The following C17orf113 variants were observed in gnomAD, a reference collection of about 807,000 sequenced individuals.
C17orf113 encodes chromosome 17 open reading frame 113, also known as uncharacterized protein C17orf113.
A neutral mutation model predicts 11.6 loss-of-function variants in C17orf113; 5 were observed. That is an observed-to-expected ratio of 0.43 (90% CI 0.23 to 0.91). The LOEUF (loss-of-function observed/expected upper bound fraction) is 0.91. C17orf113 is among the 40% of genes least tolerant of loss of function. C17orf113 has a pLI of 0.26. For missense variants in C17orf113, 714 were observed against 841.3 expected, an observed-to-expected ratio of 0.85 and a Z score of 1.87; for synonymous variants, 327 against 390.6, an observed-to-expected ratio of 0.84 and a Z score of 1.92.
chr17:42,042,049 C>A (rs2053034890), intron 2 of C17orf113, among the ~76,000 whole-genome samples: 1 of 151,958 alleles, frequency 6.6e-6, no homozygotes, highest in Non-Finnish European at 1.5e-5. Context: ...TTATGAAAAC[C>A]AATTAAACAG....
Position 42,040,111 on chromosome 17 carries a change from A to T in C17orf113, c.1622T>A (p.Leu541Gln). 1 of 1,231,348 alleles carries T rather than the reference A, an allele frequency of 8.1e-7. No homozygotes were observed. Among genetic ancestry groups the T allele is most frequent in the Non-Finnish European group, 1.0e-6 (1 of 987,670 alleles). 76.3% of individuals were successfully genotyped at this position (1,231,348 alleles called of 1,614,324 possible). A position where few individuals can be genotyped will look rare whatever the true frequency, so the allele number is the denominator to read the frequency against. Residue 541 changes from leucine (L) to glutamine (Q), a missense_variant, in exon 3 of 3, where the codon CTG becomes CAG. This residue lies in a region of C17orf113 where 194 missense variants were observed against 197.2 expected (regional missense o/e 0.98). Transcript: ENST00000587304. ...EELGTHGEGALRVLLRGFAPA... is the reference protein window; with the variant it reads ...EELGTHGEGAQRVLLRGFAPA... The stretch of plus-strand genomic sequence containing the variant: ...AGCAAAGCCGCGCAGCAGCACCCGC[A>T]GCGCCCCCTCGCCATGCGTGCCCAG...
intron 1 of C17orf113, among the ~76,000 whole-genome samples, chr17:42,046,596 T>C (rs1181742674): frequency 4.6e-5 from 7 of 151,534 alleles, no homozygotes; most frequent in African/African-American, 1.7e-4. Flanking sequence ...TGAGAACCTG[T>C]CTCAAAATAA....
At chr17:42,049,320 A>G (rs1003607376) in intron 1 of C17orf113, among the ~76,000 whole-genome samples, 2 of 152,012 alleles carry the variant, frequency 1.3e-5, no homozygotes, top group African/African-American at 4.8e-5. Context: ...CAGATTACAA[A>G]TCTCTGCTTC....
chr17:42,041,711 T>C (rs1555656146), intron 2 of C17orf113, among the ~76,000 whole-genome samples: 1 of 152,164 alleles, frequency 6.6e-6, no homozygotes, highest in East Asian at 1.9e-4. Context: ...CCAGTCACCC[T>C]GGGTCCCAGC....
chr17:42,046,412 AG>A (rs1185853203), intron 1 of C17orf113, among the ~76,000 whole-genome samples: 1 of 151,606 alleles, frequency 6.6e-6, no homozygotes, highest in Non-Finnish European at 1.5e-5. Context: ...GGGCAACATA[AG>A]GAGACCTTGT....
intron 2 of C17orf113, among the ~76,000 whole-genome samples, chr17:42,041,534 T>A (rs1487912032): frequency 4.6e-5 from 7 of 152,166 alleles, no homozygotes; most frequent in African/African-American, 1.7e-4. Flanking sequence ...AAACATCAAC[T>A]TTTGTTGTGG....
intron 1 of C17orf113, among the ~76,000 whole-genome samples, chr17:42,045,162 C>A (rs1264978730): frequency 6.6e-6 from 1 of 152,230 alleles, no homozygotes; most frequent in Non-Finnish European, 1.5e-5. Context: ...TGTGATCCGT[C>A]CGCCTCGGCC....
chr17:42,048,161 A>AACCC (rs1194202310), intron 1 of C17orf113, among the ~76,000 whole-genome samples: 1 of 152,018 alleles, frequency 6.6e-6, no homozygotes, highest in Non-Finnish European at 1.5e-5. Context: ...GAAATACACA[A>AACCC]ACCCAGCCTG....
chr17:42,045,359 A>G (rs1301616047), intron 1 of C17orf113, among the ~76,000 whole-genome samples: 3 of 152,208 alleles, frequency 2.0e-5, no homozygotes, highest in African/African-American at 4.8e-5. Context: ...CCTTAACTCT[A>G]CCTTTTAATT....
chr17:42,042,754 T>A, intron 2 of C17orf113, 80 bp downstream of exon 2: 1 of 1,077,128 alleles, frequency 9.3e-7, no homozygotes, highest in East Asian at 3.2e-5. Context: ...CCCAAGGAGC[T>A]GGCATGCTGG....
Position 42,043,401 on chromosome 17 carries a change from C to T in C17orf113, c.-25G>A. The T allele has an allele frequency of 8.1e-7, 1 of 1,231,942 alleles. No homozygotes were observed. The allele number at this position is 1,231,942 out of a possible 1,614,324, so 76.3% of individuals were successfully genotyped here. On this transcript the variant is annotated 5_prime_UTR_variant, in exon 2 of 3. Coordinates refer to ENST00000587304, the MANE Select transcript of C17orf113 (RefSeq NM_001358661.2). Reference sequence around the variant, plus strand: ...TTCTTGCTCTCTCAGCAAGGAACCCCCAACCCCCACCTGAATGCTCTTGCC... The same window carrying T: ...TTCTTGCTCTCTCAGCAAGGAACCCTCAACCCCCACCTGAATGCTCTTGCC...
chr17:42,038,387 C>T lies in C17orf113; in HGVS notation c.*1318G>A, dbSNP rs2052916467. 1 of 337,028 alleles carries T rather than the reference C, an allele frequency of 3.0e-6. No homozygotes were observed. Among genetic ancestry groups the T allele is most frequent in the Non-Finnish European group, 5.5e-6 (1 of 183,338 alleles). The allele number at this position is 337,028 out of a possible 1,614,324, so 20.9% of individuals were successfully genotyped here. A position where few individuals can be genotyped will look rare whatever the true frequency, so the allele number is the denominator to read the frequency against. On this transcript the variant is annotated 3_prime_UTR_variant, in exon 3 of 3. Transcript: ENST00000587304. The stretch of plus-strand genomic sequence containing the variant: ...GGCTGACAGGAGGGAATGGGAAACC[C>T]ATGGGCTCTGAAGGGATGTGCTCCC...
chr17:42,044,985 T>C (rs558038857), intron 1 of C17orf113, among the ~76,000 whole-genome samples: 4 of 150,740 alleles, frequency 2.7e-5, no homozygotes, highest in Non-Finnish European at 5.9e-5. Context: ...TGGCGCAATC[T>C]TGGCTCACTG....
intron 1 of C17orf113, among the ~76,000 whole-genome samples, chr17:42,046,114 C>T (rs549260799): frequency 6.6e-6 from 1 of 152,210 alleles, no homozygotes; most frequent in Non-Finnish European, 1.5e-5. Flanking sequence ...GGTAGCCATC[C>T]TCTAGTTCCC....
intron 1 of C17orf113, among the ~76,000 whole-genome samples, chr17:42,044,596 A>T (rs1388070505): frequency 1.3e-5 from 2 of 152,008 alleles, no homozygotes; most frequent in African/African-American, 4.8e-5. Flanking sequence ...AACCTGGGCA[A>T]CAAGAGCAAA....
rs549997415 is a variant in C17orf113 at position 42,043,500 on chromosome 17, G to T, written c.-124C>A. On this transcript the variant is annotated 5_prime_UTR_variant, in exon 2 of 3. Coordinates refer to ENST00000587304, the MANE Select transcript of C17orf113 (RefSeq NM_001358661.2). ...TGGGGAGGCAGGCTGGGGGCAGCCCGCCAGGCTAACAGGGCCCATCCATCT... is the reference window on the plus strand; with the variant it reads ...TGGGGAGGCAGGCTGGGGGCAGCCCTCCAGGCTAACAGGGCCCATCCATCT... 341 of 821,286 alleles carry T rather than the reference G, an allele frequency of 4.2e-4. No individual in the cohort carries two copies. The highest frequency in any genetic ancestry group is 5.1e-4 in the Non-Finnish European group (314 of 613,990). 50.9% of individuals were successfully genotyped at this position (821,286 alleles called of 1,614,324 possible).
In C17orf113 at chr17:42,038,802, G is replaced by A. The variant is rs2052928966; in HGVS notation, c.*903C>T. 1 of 152,222 alleles carries A rather than the reference G, an allele frequency of 6.6e-6. No individual in the cohort carries two copies. Among genetic ancestry groups the A allele is most frequent in the Non-Finnish European group, 1.5e-5 (1 of 68,050 alleles). 9.4% of individuals were successfully genotyped at this position (152,222 alleles called of 1,614,324 possible). On this transcript the variant is annotated 3_prime_UTR_variant, in exon 3 of 3. Coordinates refer to ENST00000587304, the MANE Select transcript of C17orf113 (RefSeq NM_001358661.2). ...CCTGAGGCTGCCTATTGGTGAGGAG[G>A]GAAGGAAGGGAACCACTATCTCTCT...
chr17:42,043,697 C>G (rs2053082735), intron 1 of C17orf113, 134 bp from the exon 2 acceptor site: 1 of 243,062 alleles, frequency 4.1e-6, no homozygotes, highest in Non-Finnish European at 7.8e-6. Flanking sequence ...GGGGCAGGGG[C>G]TCTGGGCAGT....
intron 1 of C17orf113, among the ~76,000 whole-genome samples, chr17:42,049,353 C>T (rs1313322035): frequency 2.0e-5 from 3 of 152,194 alleles, no homozygotes; most frequent in African/African-American, 7.2e-5. Context: ...TCTCTTGCTT[C>T]ATCCTCTCTC....
Sources: gnomAD v4.1 joint callset for allele counts (sites outside exome capture counted in the v4.1 genomes callset) on GRCh38, gnomAD v4.1.1 for gene constraint, gnomAD v4.1.1 regional missense constraint, MANE v1.5 for transcripts, NCBI Gene and HGNC (gene_info 2026-07-23, HGNC 2026-07-21) for gene names.